HIVEP3: variants seen among roughly 807,000 people sequenced by gnomAD.
HIVEP3 encodes the protein transcription factor HIVEP3.
In HIVEP3, 49 loss-of-function variants were observed where a neutral mutation model predicts 152.8. The observed-to-expected ratio is 0.32, with a 90% CI of 0.26 to 0.41. The LOEUF is 0.41. HIVEP3 is among the 10% of genes least tolerant of loss of function. HIVEP3 has a pLI of 1.00. For missense variants in HIVEP3, 2,790 were observed against 3,103.3 expected, an observed-to-expected ratio of 0.90 and a Z score of 2.40; for synonymous variants, 1,269 against 1,289.0, an observed-to-expected ratio of 0.98 and a Z score of 0.33.
rs112693009 is a variant in HIVEP3 at position 41,889,451 on chromosome 1, C to T, written c.-801+28962G>A. Among the ~76,000 whole-genome samples, 1,496 of 152,216 alleles carry T rather than the reference C, an allele frequency of 9.8e-3. 24 individuals are homozygous for T. Among genetic ancestry groups the T allele is most frequent in the African/African-American group, 0.034 (1,420 of 41,502 alleles). ...AAAAGCCACTGCCATTCCAGACCTA[C>T]GCAGAGTCTGAAGGGCAGCACCCCC... is the stretch of plus-strand genomic sequence containing the variant. On this transcript the variant is annotated intron_variant, in intron 1 of 8. Coordinates refer to ENST00000372583, the MANE Select transcript of HIVEP3 (RefSeq NM_024503.5).
At chr1:41,676,966 AC>A (rs1290426900) in intron 2 of HIVEP3, among the ~76,000 whole-genome samples, 8 of 152,146 alleles carry the variant, frequency 5.3e-5, no homozygotes, top group African/African-American at 1.9e-4. Flanking sequence ...GCCCTTCTCC[AC>A]CCTGCAGAGT....
intron 1 of HIVEP3, among the ~76,000 whole-genome samples, chr1:42,016,334 A>G (rs1250847150): frequency 1.3e-5 from 2 of 152,200 alleles, no homozygotes; most frequent in Non-Finnish European, 2.9e-5. Context: ...AAGGACAGGA[A>G]AGAAATGCTT....
intron 1 of HIVEP3, among the ~76,000 whole-genome samples, chr1:41,785,897 G>A (rs781403548): frequency 2.0e-5 from 3 of 152,216 alleles, no homozygotes; most frequent in African/African-American, 7.2e-5. Context: ...TCAGGAGGCT[G>A]AGGAAGAAGA....
In HIVEP3 at chr1:41,510,469, C is replaced by A; in HGVS notation, c.7203G>T (p.Arg2401Ser). 4 of 1,523,988 alleles carry A rather than the reference C, an allele frequency of 2.6e-6. No homozygotes were observed. Among genetic ancestry groups the A allele is most frequent in the Non-Finnish European group, 3.5e-6 (4 of 1,132,620 alleles). The allele number at this position is 1,523,988 out of a possible 1,614,324, so 94.4% of individuals were successfully genotyped here. A position where few individuals can be genotyped will look rare whatever the true frequency, so the allele number is the denominator to read the frequency against. The change falls in exon 9 of 9, where the codon AGG (arginine) becomes AGT (serine). Residue 2401 changes from arginine to serine, a missense_variant. Around this residue, in one of 9 missense-constraint regions of HIVEP3, gnomAD observed 816 missense variants for 806.5 expected, o/e 1.01. Transcript: ENST00000372583. ...AGAGAGGCTAAGCGTTGGGGGGAAC[C>A]CTGTCCTCAGGCTGATGTGGATGTG... ...PRAHPHQPED[R>S]VPPNA
intron 2 of HIVEP3, among the ~76,000 whole-genome samples, chr1:41,681,374 G>A (rs966575849): frequency 9.9e-5 from 15 of 152,176 alleles, no homozygotes; most frequent in African/African-American, 1.7e-4. Flanking sequence ...GATTGCATCC[G>A]TGCAGCACCG....
At chr1:41,850,582 G>A (rs1198489301) in intron 1 of HIVEP3, among the ~76,000 whole-genome samples, 1 of 152,162 alleles carries the variant, frequency 6.6e-6, no homozygotes, top group East Asian at 1.9e-4. Context: ...AGAGTCACAA[G>A]GCTCAAGAGT....
intron 1 of HIVEP3, among the ~76,000 whole-genome samples, chr1:41,795,399 C>G (rs1048509139): frequency 6.6e-6 from 1 of 152,164 alleles, no homozygotes; most frequent in Non-Finnish European, 1.5e-5. Flanking sequence ...TCTGAGGTCA[C>G]GTGATACCAA....
rs147423695 is a variant in HIVEP3, at chr1:41,582,559, G to C, written c.2239C>G (p.Arg747Gly). ...TTGGTGGACTCCAGGGGAAGGTTCC[G>C]AGCAGCATCAGATGGCCCGGGGCTG... ...FGSPGPSDAA[R>G]NLPLESTKSP... is the part of the protein sequence containing the mutation. The change falls in exon 4 of 9, where the codon CGG becomes GGG. Residue 747 changes from arginine (R) to glycine (G), a missense_variant. Arg to Gly is a moderately radical substitution (Grantham distance 125). Around this residue, in one of 9 missense-constraint regions of HIVEP3, gnomAD observed 339 missense variants for 327.0 expected, o/e 1.04. Transcript: ENST00000372583. This position sits in a 1 kb window ranked among gnomAD's most constrained non-coding sequence, Gnocchi z 4.7. 2.5e-6 allele frequency: 4 copies of C among 1,611,642 alleles called. 1 individual carries two copies. Among genetic ancestry groups the C allele is most frequent in the Non-Finnish European group, 3.4e-6 (4 of 1,178,598 alleles).
In HIVEP3 at chr1:41,743,257, G is replaced by C. The variant is rs998574032; in HGVS notation, c.-800-42262C>G. Among the ~76,000 whole-genome samples, 3 of 152,152 alleles carry C rather than the reference G, an allele frequency of 2.0e-5. No homozygotes were observed. In the South Asian group the frequency reaches 6.2e-4, roughly 32 times the overall value. Reference sequence around the variant, plus strand: ...AAAATACTAACTGCACCCCTAGTGAGAACTCCTGTGAAAAGGGCCTCAGCA... The same window carrying C: ...AAAATACTAACTGCACCCCTAGTGACAACTCCTGTGAAAAGGGCCTCAGCA... On this transcript the variant is annotated intron_variant, in intron 1 of 8. Coordinates refer to ENST00000372583, the MANE Select transcript of HIVEP3 (RefSeq NM_024503.5).
Position 41,570,265 on chromosome 1 carries a change from A to C in HIVEP3, c.5207+5279T>G, listed in dbSNP as rs1282693531. Among the ~76,000 whole-genome samples the C allele has an allele frequency of 2.6e-5, 4 of 152,240 alleles. No homozygotes were observed. In the East Asian group the frequency reaches 7.7e-4, roughly 29 times the overall value. On this transcript the variant is annotated intron_variant, in intron 5 of 8. Transcript: ENST00000372583. ...CAAGGAAGAGGAGGATCAAGAAAGA[A>C]GGTGATAGGGTTTGTCTGTGTCCCC...
chr1:41,977,156 A>G (rs1570861733), intron 1 of HIVEP3, among the ~76,000 whole-genome samples: 1 of 152,212 alleles, frequency 6.6e-6, no homozygotes, highest in Non-Finnish European at 1.5e-5. Flanking sequence ...GTGTTATAAC[A>G]GCGTGAGTGG....
In HIVEP3 at chr1:41,670,263, T is replaced by C. The variant is rs144351594; in HGVS notation, c.-721+30653A>G. 4.6e-5 allele frequency among the ~76,000 whole-genome samples: 7 copies of C among 152,238 alleles called. No individual in the cohort carries two copies. The East Asian group carries it at 1.4e-3, about 29-fold the overall frequency. ...TCTGTGAGGGGCAGGGCAGGGACCA[T>C]CAGCCCCAGTTAATAGATGAGCAAA... is the stretch of plus-strand genomic sequence containing the variant. On this transcript the variant is annotated intron_variant, in intron 2 of 8. Transcript: ENST00000372583.
At chr1:41,791,121 TACACAC>T (rs60729364) in intron 1 of HIVEP3, among the ~76,000 whole-genome samples, 16,061 of 140,710 alleles carry the variant, frequency 0.11, 918 homozygotes, top group South Asian at 0.18. Flanking sequence ...CACACATGTG[TACACAC>T]ACACACACAC....
At chr1:41,555,113 G>A (rs1643945111) in intron 5 of HIVEP3, among the ~76,000 whole-genome samples, 1 of 152,210 alleles carries the variant, frequency 6.6e-6, no homozygotes, top group Non-Finnish European at 1.5e-5. Flanking sequence ...GGAATCTACA[G>A]AGGCAACAGG....
chr1:41,811,633 G>A (rs1008244855), intron 1 of HIVEP3, among the ~76,000 whole-genome samples: 6 of 151,848 alleles, frequency 4.0e-5, no homozygotes, highest in African/African-American at 1.5e-4. Flanking sequence ...GCACCCTCCA[G>A]AGACACTGTC....
At chr1:41,515,573 G>A (rs1297396221) in intron 7 of HIVEP3, among the ~76,000 whole-genome samples, 1 of 152,176 alleles carries the variant, frequency 6.6e-6, no homozygotes, top group African/African-American at 2.4e-5. Context: ...CAAAATCCAG[G>A]CACAGATGAC....
chr1:41,776,115 G>A (rs912772743), intron 1 of HIVEP3, among the ~76,000 whole-genome samples: 4 of 152,196 alleles, frequency 2.6e-5, no homozygotes, highest in Admixed American at 1.3e-4. Flanking sequence ...TTTAAACAAA[G>A]CCCTCAGTCA....
Position 41,583,586 on chromosome 1 carries a change from G to A in HIVEP3, c.1212C>T (p.Val404=), listed in dbSNP as rs1377675136. 1 of 1,614,116 alleles carries A rather than the reference G, an allele frequency of 6.2e-7. No individual in the cohort carries two copies. The highest frequency in any genetic ancestry group is 1.1e-5 in the South Asian group (1 of 91,072). ...ACTTGGCGTTGGTGTTTGGGGGGCT[G>A]ACCTGCTGCTCTGCACTCTCGGAGC... ...FSRSESAEQQ[V]SPPNTNAKSY... is the part of the protein sequence containing the mutation. Residue 404 remains valine (V), a synonymous_variant, in exon 4 of 9, where the codon GTC becomes GTT. Transcript: ENST00000372583. This position sits in a 1 kb window ranked among gnomAD's most constrained non-coding sequence, Gnocchi z 6.9.
At chr1:41,603,714 T>G (rs1644778698) in intron 3 of HIVEP3, among the ~76,000 whole-genome samples, 1 of 152,244 alleles carries the variant, frequency 6.6e-6, no homozygotes, top group Admixed American at 6.5e-5. Context: ...TTTGGTATGC[T>G]TTCAATCTTA....
Sources: gnomAD v4.1 joint callset for allele counts (sites outside exome capture counted in the v4.1 genomes callset) on GRCh38, gnomAD v4.1.1 for gene constraint, gnomAD v4.1.1 regional missense constraint, Gnocchi (gnomAD v3.1) non-coding constraint, MANE v1.5 for transcripts, NCBI Gene and HGNC (gene_info 2026-07-23, HGNC 2026-07-21) for gene names.